The following SCARB1 variants were observed in gnomAD, a reference collection of about 807,000 sequenced individuals.
The protein encoded by SCARB1 is CD36 and LIMPII analogous 1.
SCARB1 carries 30 observed loss-of-function variants against 57.2 expected under a neutral mutation model. The observed-to-expected ratio is 0.52, with a 90% CI of 0.39 to 0.71. The LOEUF is 0.71. Ranked by LOEUF, SCARB1 falls within the 30% of genes least tolerant of loss-of-function variation. The pLI, the probability that SCARB1 is intolerant of heterozygous loss-of-function variation, is 0.00. For missense variants in SCARB1, 543 were observed against 671.2 expected (o/e 0.81, Z 2.11); for synonymous variants, 249 against 268.3 (o/e 0.93, Z 0.70).
At position 124,807,825 on chromosome 12, in the gene SCARB1, T is replaced by G; in HGVS notation, c.945A>C (p.Pro315=). 6.2e-7 allele frequency: 1 copy of G among 1,614,014 alleles called. No individual in the cohort carries two copies. Among genetic ancestry groups the G allele is most frequent in the Non-Finnish European group, 8.5e-7 (1 of 1,179,988 alleles). The change falls in exon 7 of 13, where the codon CCA becomes CCC. Residue 315 remains proline, a synonymous_variant. Transcript: ENST00000261693. This position sits in a 1 kb window ranked among gnomAD's most constrained non-coding sequence, Gnocchi z 5.3. ...KTLFANGSIY[P]PNEGFCPCLE... ...GGCACGGGCAGAAGCCTTCGTTGGG[T>G]GGGTAGATGGACCCGTTGGCAAACA...
In SCARB1 at chr12:124,810,672, C is replaced by G. The variant is rs1364127470; in HGVS notation, c.727-383G>C. 1.3e-5 allele frequency among the ~76,000 whole-genome samples: 2 copies of G among 152,194 alleles called. No homozygotes were observed. The highest frequency in any genetic ancestry group is 6.5e-5 in the Admixed American group (1 of 15,284). On this transcript the variant is annotated intron_variant, in intron 5 of 12. Coordinates refer to ENST00000261693, the MANE Select transcript of SCARB1 (RefSeq NM_005505.5). This position sits in a 1 kb window ranked among gnomAD's most constrained non-coding sequence, Gnocchi z 4.0. ...TGAAAACAATCGGCACACAGGCAAA[C>G]TACTTAAAATCATAATGGTGGCCAC...
At position 124,822,023 on chromosome 12, in the gene SCARB1, G is replaced by A. The variant is rs1950973321; in HGVS notation, c.127-4316C>T. ...TAGAATGCCAAGGTGAGCCCTTGTTGGACGCCACTCCCTCCCATCTGGCGA... is the reference window on the plus strand; with the variant it reads ...TAGAATGCCAAGGTGAGCCCTTGTTAGACGCCACTCCCTCCCATCTGGCGA... On this transcript the variant is annotated intron_variant, in intron 1 of 12. Coordinates refer to ENST00000261693, the MANE Select transcript of SCARB1 (RefSeq NM_005505.5). This position sits in a 1 kb window ranked among gnomAD's most constrained non-coding sequence, Gnocchi z 5.0. Among the ~76,000 whole-genome samples the A allele has an allele frequency of 2.6e-5, 4 of 152,270 alleles. No individual in the cohort carries two copies. In the South Asian group the frequency reaches 8.3e-4, roughly 32 times the overall value.
intron 1 of SCARB1, among the ~76,000 whole-genome samples, chr12:124,824,552 A>G (rs978217656): frequency 1.3e-5 from 2 of 152,264 alleles, no homozygotes; most frequent in African/African-American, 4.8e-5. Flanking sequence ...TCACAATTTC[A>G]AAAAGAAAGA....
In SCARB1 at chr12:124,812,026, C is replaced by T; in HGVS notation, c.631-61G>A. 7.6e-7 allele frequency: 1 copy of T among 1,315,056 alleles called. No homozygotes were observed. Among genetic ancestry groups the T allele is most frequent in the Non-Finnish European group, 1.1e-6 (1 of 927,890 alleles). The allele number at this position is 1,315,056 out of a possible 1,614,324, so 81.5% of individuals were successfully genotyped here. On this transcript the variant is annotated intron_variant, in intron 4 of 12. Coordinates refer to ENST00000261693, the MANE Select transcript of SCARB1 (RefSeq NM_005505.5). This position sits in a 1 kb window ranked among gnomAD's most constrained non-coding sequence, Gnocchi z 4.3. Reference sequence around the variant, plus strand: ...AGGCCTGCCATTGAGCCGGCCTGGTCTGAACATTCTGGGCTGAGCCCTCCT... The same window carrying T: ...AGGCCTGCCATTGAGCCGGCCTGGTTTGAACATTCTGGGCTGAGCCCTCCT...
At position 124,843,294 on chromosome 12, in the gene SCARB1, G is replaced by C. The variant is rs868748102; in HGVS notation, c.126+20301C>G. ...GTTTCTTACTTTCTGTGGAGATGGG[G>C]GGGGGGGTCTTACTATGTTACCCAG... On this transcript the variant is annotated intron_variant, in intron 1 of 12. Coordinates refer to ENST00000261693, the MANE Select transcript of SCARB1 (RefSeq NM_005505.5). 2.3e-3 allele frequency among the ~76,000 whole-genome samples: 289 copies of C among 123,288 alleles called. 1 individual carries two copies. The highest frequency in any genetic ancestry group is 7.4e-3 in the African/African-American group (284 of 38,490). The allele number at this position is 123,288 out of a possible 152,430, so 80.9% of individuals were successfully genotyped here.
At chr12:124,854,234 C>CAG (rs1203274907) in intron 1 of SCARB1, among the ~76,000 whole-genome samples, 1 of 152,192 alleles carries the variant, frequency 6.6e-6, no homozygotes, top group African/African-American at 2.4e-5. Flanking sequence ...GAGAGCTGAA[C>CAG]AGAGACCTAC....
rs963667039 is a variant in SCARB1 at position 124,781,887 on chromosome 12, GTATT to G, written c.*792_*795del. 1.1e-4 allele frequency among the ~76,000 whole-genome samples: 17 copies of G among 151,900 alleles called. 1 individual carries two copies. The highest frequency in any genetic ancestry group is 3.1e-4 in the African/African-American group (13 of 41,354). The stretch of plus-strand genomic sequence containing the variant: ...TTGTTCTTGGTCAGTCATCCCAGAT[GTATT>G]TATTTATTTATTTATTTTAGTTTTA... On this transcript the variant is annotated intron_variant, in intron 12 of 12. Transcript: ENST00000261693.
intron 6 of SCARB1, among the ~76,000 whole-genome samples, chr12:124,808,385 T>G (rs1266738242): frequency 6.6e-6 from 1 of 152,188 alleles, no homozygotes; most frequent in African/African-American, 2.4e-5. Flanking sequence ...TAGTCTAACC[T>G]ACCATTAGGA....
At chr12:124,806,447 C>T (rs1357112286) in intron 7 of SCARB1, among the ~76,000 whole-genome samples, 1 of 152,218 alleles carries the variant, frequency 6.6e-6, no homozygotes. Context: ...GCCACCCACA[C>T]TGCGGAACGA....
In SCARB1 at chr12:124,797,337, C is replaced by T. The variant is rs150701477; in HGVS notation, c.1129-2069G>A. Among the ~76,000 whole-genome samples the T allele has an allele frequency of 5.9e-3, 904 of 152,294 alleles. 8 individuals are homozygous for T. The highest frequency in any genetic ancestry group is 0.021 in the African/African-American group (855 of 41,530). Reference sequence around the variant, plus strand: ...CTGTTGAGTCCCCCGTCCCCATGCCCTCCCCCAGTTTCAGGAGCAGAAAAG... The same window carrying T: ...CTGTTGAGTCCCCCGTCCCCATGCCTTCCCCCAGTTTCAGGAGCAGAAAAG... On this transcript the variant is annotated intron_variant, in intron 8 of 12. Transcript: ENST00000261693.
chr12:124,778,655 A>ACC, intron 12 of SCARB1, 69 bp from the exon 13 acceptor site: 3 of 915,104 alleles, frequency 3.3e-6, no homozygotes, highest in Non-Finnish European at 4.1e-6. Flanking sequence ...ATCCCCGCCC[A>ACC]CCACAGCCCT....
At chr12:124,855,623 C>T (rs1186353913) in intron 1 of SCARB1, among the ~76,000 whole-genome samples, 8 of 152,172 alleles carry the variant, frequency 5.3e-5, no homozygotes, top group Admixed American at 4.6e-4. Context: ...TGAGCCCTAG[C>T]GTTGAATTCT....
rs1950544584 is a variant in SCARB1, at chr12:124,811,889, TTGTCCAC to T, written c.700_706del (p.Val234SerfsTer5). 5.0e-6 allele frequency: 8 copies of T among 1,612,506 alleles called. No homozygotes were observed. The highest frequency in any genetic ancestry group is 5.9e-6 in the Non-Finnish European group (7 of 1,179,270). On this transcript the variant is annotated frameshift_variant, in exon 5 of 13. Transcript: ENST00000261693. LOFTEE classifies it high-confidence loss of function. ...CCTCACCTTGCTCAGCCCGTTCCAC[TTGTCCAC>T]GAGGTGGATCCTGCTGATGTTCTGG... is the stretch of plus-strand genomic sequence containing the variant.
Position 124,849,301 on chromosome 12 carries a change from G to T in SCARB1, c.126+14294C>A, listed in dbSNP as rs922738651. Among the ~76,000 whole-genome samples, 5 of 152,250 alleles carry T rather than the reference G, an allele frequency of 3.3e-5. No homozygotes were observed. The East Asian group carries it at 9.6e-4, about 29-fold the overall frequency. ...GATCAACTCCTCCACGGGTGCATCT[G>T]GGCAGCTCATCCCTCCCACCCCTAC... On this transcript the variant is annotated intron_variant, in intron 1 of 12. Coordinates refer to ENST00000261693, the MANE Select transcript of SCARB1 (RefSeq NM_005505.5).
chr12:124,852,111 G>C (rs7137562), intron 1 of SCARB1, among the ~76,000 whole-genome samples: 9,605 of 152,152 alleles, frequency 0.063, 363 homozygotes, highest in African/African-American at 0.1. Flanking sequence ...CACGCTTCCT[G>C]TGGCCCTTCC....
At chr12:124,829,218 C>A (rs1002249120) in intron 1 of SCARB1, among the ~76,000 whole-genome samples, 2 of 152,228 alleles carry the variant, frequency 1.3e-5, no homozygotes, top group African/African-American at 4.8e-5. Flanking sequence ...CCTCCATCAG[C>A]AAGGCTGGGC....
At position 124,814,342 on chromosome 12, in the gene SCARB1, T is replaced by C. The variant is rs1259030336; in HGVS notation, c.490A>G (p.Thr164Ala). The change falls in exon 4 of 13, where the codon ACC (threonine) becomes GCC (alanine). Residue 164 changes from threonine (T) to alanine (A), a missense_variant. Transcript: ENST00000261693. This position sits in a 1 kb window ranked among gnomAD's most constrained non-coding sequence, Gnocchi z 4.7. ...ATGAAGGCACGTTCGCCGAGGGTGG[T>C]GAATGCCAAGGTCATGATGAGCTTC... ...TLKLIMTLAF[T>A]TLGERAFMNR... The C allele has an allele frequency of 1.2e-6, 2 of 1,613,992 alleles. No homozygotes were observed. Among genetic ancestry groups the C allele is most frequent in the African/African-American group, 2.7e-5 (2 of 74,910 alleles).
chr12:124,841,006 G>A (rs752028916), intron 1 of SCARB1, among the ~76,000 whole-genome samples: 3 of 151,898 alleles, frequency 2.0e-5, no homozygotes, highest in Non-Finnish European at 2.9e-5. Context: ...CCATCTTTAC[G>A]AAAAATACAA....
At chr12:124,788,672 T>C (rs1470986954) in intron 9 of SCARB1, among the ~76,000 whole-genome samples, 2 of 152,246 alleles carry the variant, frequency 1.3e-5, no homozygotes, top group Admixed American at 1.3e-4. Context: ...AGACATCCTC[T>C]AAAAGAAGAT....
Sources: gnomAD v4.1 joint callset for allele counts (sites outside exome capture counted in the v4.1 genomes callset) on GRCh38, gnomAD v4.1.1 for gene constraint, Gnocchi (gnomAD v3.1) non-coding constraint, MANE v1.5 for transcripts, NCBI Gene and HGNC (gene_info 2026-07-23, HGNC 2026-07-21) for gene names.